MYO18B: variants seen among roughly 807,000 people sequenced by gnomAD.
MYO18B encodes unconventional myosin-XVIIIb.
MYO18B carries 204 observed loss-of-function variants against 273.0 expected under a neutral mutation model. That is an observed-to-expected ratio of 0.75 (90% confidence interval 0.67 to 0.84). The LOEUF (loss-of-function observed/expected upper bound fraction) is 0.84, where lower values mean the gene tolerates loss of function less well. Among genes scored for constraint, MYO18B ranks in the 40% least tolerant of loss-of-function variants. The pLI is 0.00. For synonymous variants in MYO18B, 1,330 were observed against 1,305.7 expected (o/e 1.02, Z -0.40); for missense variants, 3,212 against 3,287.6 (o/e 0.98, Z 0.56).
intron 25 of MYO18B, 139 bp downstream of exon 25, chr22:25,878,187 T>A (rs2091253096): frequency 1.5e-6 from 1 of 653,056 alleles, no homozygotes; most frequent in East Asian, 3.2e-5. Context: ...AGGCACATGC[T>A]GTTATTGAAC....
intron 34 of MYO18B, among the ~76,000 whole-genome samples, chr22:25,941,625 A>G (rs2092645270): frequency 6.6e-6 from 1 of 152,260 alleles, no homozygotes; most frequent in African/African-American, 2.4e-5. Context: ...CATCCATAAT[A>G]AAAAATCAGC....
At chr22:25,847,201 C>G (rs1290401352) in intron 19 of MYO18B, among the ~76,000 whole-genome samples, 4 of 152,172 alleles carry the variant, frequency 2.6e-5, no homozygotes, top group South Asian at 2.1e-4. Flanking sequence ...GTCTGTATGA[C>G]CTGGGGCCAC....
At chr22:25,769,940 G>A (rs1307665287) in intron 4 of MYO18B, 170 bp from the exon 5 acceptor site, 2 of 649,814 alleles carry the variant, frequency 3.1e-6, no homozygotes, top group Admixed American at 2.2e-5. Flanking sequence ...TCCACCTCCC[G>A]GGTCCGCAAC....
chr22:25,913,417 G>A (rs867651455), intron 33 of MYO18B, among the ~76,000 whole-genome samples: 1 of 152,186 alleles, frequency 6.6e-6, no homozygotes, highest in Non-Finnish European at 1.5e-5. Context: ...AGGCTGGAGT[G>A]CAGTGGTGTG....
At chr22:25,777,455 G>A (rs941634142) in intron 7 of MYO18B, 128 bp from the exon 8 acceptor site, 25 of 883,758 alleles carry the variant, frequency 2.8e-5, no homozygotes, top group South Asian at 2.2e-4. Context: ...AAGGGAGTCA[G>A]GGATCTGGAG....
intron 21 of MYO18B, among the ~76,000 whole-genome samples, chr22:25,866,978 G>A (rs957442481): frequency 3.9e-5 from 6 of 152,030 alleles, no homozygotes; most frequent in African/African-American, 1.5e-4. Flanking sequence ...TATCACAGGA[G>A]GACTTAGTGA....
chr22:25,780,590 C>CAAAAA lies in MYO18B; in HGVS notation c.2211+424_2211+428dup, dbSNP rs59082074. On this transcript the variant is annotated intron_variant, in intron 9 of 43. Coordinates refer to ENST00000335473, the MANE Select transcript of MYO18B (RefSeq NM_032608.7). ...GGGCAGCAAGAGCGAAACTCCATCT[C>CAAAAA]AAAAAAAAAAAAAAAAAAAAAAAAA... 1.8e-4 allele frequency among the ~76,000 whole-genome samples: 12 copies of CAAAAA among 65,204 alleles called. No homozygotes were observed. In the East Asian group the frequency reaches 1.9e-3, roughly 10 times the overall value. 42.8% of individuals were successfully genotyped at this position (65,204 alleles called of 152,430 possible).
chr22:25,910,918 G>C, intron 32 of MYO18B, 28 bp from the exon 33 acceptor site: 1 of 1,532,612 alleles, frequency 6.5e-7, no homozygotes, highest in Non-Finnish European at 8.9e-7. Context: ...CATTTACCCT[G>C]TGATGTTTCT....
intron 42 of MYO18B, among the ~76,000 whole-genome samples, chr22:26,010,053 T>C (rs1487327186): frequency 2.6e-5 from 4 of 152,180 alleles, no homozygotes; most frequent in Non-Finnish European, 4.4e-5. Context: ...CTGTTATTCA[T>C]AAAGCACCAC....
chr22:25,946,699 C>CT (rs1290317539), intron 35 of MYO18B, among the ~76,000 whole-genome samples: 2 of 152,194 alleles, frequency 1.3e-5, no homozygotes, highest in African/African-American at 4.8e-5. Flanking sequence ...GCTTGCCACT[C>CT]TAAGTGGTTC....
intron 22 of MYO18B, among the ~76,000 whole-genome samples, chr22:25,872,984 C>T (rs538444679): frequency 6.6e-6 from 1 of 152,280 alleles, no homozygotes; most frequent in East Asian, 1.9e-4. Context: ...TGACTGAAAT[C>T]CCACCATAAG....
At chr22:25,762,774 G>A (rs1265414041) in intron 2 of MYO18B, among the ~76,000 whole-genome samples, 1 of 152,258 alleles carries the variant, frequency 6.6e-6, no homozygotes, top group Non-Finnish European at 1.5e-5. Flanking sequence ...CTGGTGCATA[G>A]TAAGTGATTA....
At chr22:25,815,820 A>G (rs1443918228) in intron 12 of MYO18B, among the ~76,000 whole-genome samples, 2 of 152,164 alleles carry the variant, frequency 1.3e-5, no homozygotes, top group Non-Finnish European at 2.9e-5. Flanking sequence ...TGTTGCTCCA[A>G]CTGATTTGTC....
At chr22:25,871,936 A>G (rs1457249573) in intron 22 of MYO18B, among the ~76,000 whole-genome samples, 1 of 152,236 alleles carries the variant, frequency 6.6e-6, no homozygotes, top group Non-Finnish European at 1.5e-5. Context: ...CCCGCCATCT[A>G]TTGTAATATA....
intron 20 of MYO18B, among the ~76,000 whole-genome samples, chr22:25,849,631 A>G (rs993153396): frequency 2.6e-5 from 4 of 152,324 alleles, no homozygotes; most frequent in East Asian, 3.9e-4. Context: ...AACATTACCT[A>G]TCGTGCAGCC....
At chr22:25,805,205 C>T (rs5761221) in intron 12 of MYO18B, among the ~76,000 whole-genome samples, 50,941 of 151,974 alleles carry the variant, frequency 0.34, 8,902 homozygotes, top group African/African-American at 0.44. Context: ...TTCGCTCCTC[C>T]AGATAAACTC....
intron 34 of MYO18B, among the ~76,000 whole-genome samples, chr22:25,936,154 G>A (rs75392257): frequency 0.029 from 4,340 of 152,254 alleles, 187 homozygotes; most frequent in African/African-American, 0.099. Flanking sequence ...ATAAAAGAGG[G>A]ATGTAAATGA....
At chr22:25,964,224 C>T (rs927543039) in intron 39 of MYO18B, 2 of 152,970 alleles carry the variant, frequency 1.3e-5, no homozygotes, top group African/African-American at 4.8e-5. Flanking sequence ...CAGATCAACC[C>T]TGGCGATCAA....
At chr22:25,767,848 G>A (rs1362660952) in intron 3 of MYO18B, among the ~76,000 whole-genome samples, 1 of 143,742 alleles carries the variant, frequency 7.0e-6, no homozygotes, top group African/African-American at 2.6e-5. Flanking sequence ...AGGTCACACA[G>A]CTATAGAGTG....
Sources: allele counts gnomAD v4.1 joint callset (sites outside exome capture counted in the v4.1 genomes callset), GRCh38; gene constraint gnomAD v4.1.1; transcripts MANE v1.5; gene names NCBI Gene and HGNC (gene_info 2026-07-23, HGNC 2026-07-21).